Variants in BMPER observed in about 807,000 individuals in gnomAD.
BMPER encodes the protein BMP binding endothelial regulator, also known as BMP-binding endothelial regulator protein.
BMPER carries 45 observed loss-of-function variants against 87.3 expected under a neutral mutation model. The ratio of observed to expected loss-of-function variants is 0.52; its 90% CI spans 0.41 to 0.66. The LOEUF is 0.66. Ranked by LOEUF, BMPER falls within the 30% of genes least tolerant of loss-of-function variation. BMPER has a pLI of 0.00. For missense variants in BMPER, 784 were observed against 867.5 expected (o/e 0.90, Z 1.21); for synonymous variants, 326 against 316.2 (o/e 1.03, Z -0.33).
At chr7:34,048,218 T>G (rs1347218618) in intron 7 of BMPER, among the ~76,000 whole-genome samples, 2 of 152,252 alleles carry the variant, frequency 1.3e-5, no homozygotes, top group East Asian at 3.9e-4. Flanking sequence ...TATTTTTTTA[T>G]GACCAAGTTG....
At chr7:34,045,116 T>A (rs1787927510) in intron 6 of BMPER, among the ~76,000 whole-genome samples, 1 of 152,174 alleles carries the variant, frequency 6.6e-6, no homozygotes, top group Non-Finnish European at 1.5e-5. Context: ...CTGCGGGTAC[T>A]AGTTTGGTTT....
intron 13 of BMPER, among the ~76,000 whole-genome samples, chr7:34,098,059 G>A (rs939522562): frequency 6.6e-6 from 1 of 152,128 alleles, no homozygotes; most frequent in African/African-American, 2.4e-5. Context: ...GTCATGCCCA[G>A]AGAAAGTGCT....
intron 6 of BMPER, among the ~76,000 whole-genome samples, chr7:34,002,759 G>A (rs151214642): frequency 2.0e-4 from 31 of 151,704 alleles, no homozygotes; most frequent in African/African-American, 7.0e-4. Flanking sequence ...ATTGTAAAAT[G>A]TCTTTCTTTG....
chr7:34,012,051 G>A (rs1340899003), intron 6 of BMPER, among the ~76,000 whole-genome samples: 1 of 151,878 alleles, frequency 6.6e-6, no homozygotes, highest in Non-Finnish European at 1.5e-5. Context: ...GATAAAATTG[G>A]TAAGGGGCAT....
intron 3 of BMPER, among the ~76,000 whole-genome samples, chr7:33,965,515 T>C (rs1455929326): frequency 6.6e-6 from 1 of 152,196 alleles, no homozygotes; most frequent in Non-Finnish European, 1.5e-5. Flanking sequence ...AAATCAGTCA[T>C]TGAAACAGAG....
At chr7:34,095,383 A>G (rs1034888803) in intron 13 of BMPER, among the ~76,000 whole-genome samples, 4 of 152,226 alleles carry the variant, frequency 2.6e-5, no homozygotes, top group African/African-American at 9.7e-5. Flanking sequence ...GTGATAATTC[A>G]AAGTTAATGT....
chr7:34,135,565 CT>C (rs1010447261), intron 13 of BMPER, among the ~76,000 whole-genome samples: 1 of 152,084 alleles, frequency 6.6e-6, no homozygotes, highest in Non-Finnish European at 1.5e-5. Context: ...CTGTCAGGGA[CT>C]TTTTTTGCTT....
chr7:34,000,255 C>A (rs1786543699), intron 6 of BMPER, among the ~76,000 whole-genome samples: 1 of 151,984 alleles, frequency 6.6e-6, no homozygotes, highest in Non-Finnish European at 1.5e-5. Flanking sequence ...TGTGGGAGTG[C>A]AACCATTCAT....
rs4618601 is a variant in BMPER, at chr7:34,018,842, T to G, written c.577-27464T>G. 3.1e-3 allele frequency among the ~76,000 whole-genome samples: 464 copies of G among 151,430 alleles called. 3 individuals carry two copies. Among genetic ancestry groups the G allele is most frequent in the African/African-American group, 0.011 (439 of 41,302 alleles). ...AAACAAAATGGAAAAAAAGAAAAAA[T>G]AAAAGAAAAAAAGTGTGGTTTATGT... On this transcript the variant is annotated intron_variant, in intron 6 of 14. Coordinates refer to ENST00000649409, the MANE Select transcript of BMPER (RefSeq NM_001365308.1).
At chr7:34,020,859 A>AACACACACACAC (rs61345180) in intron 6 of BMPER, among the ~76,000 whole-genome samples, 22 of 146,844 alleles carry the variant, frequency 1.5e-4, no homozygotes, top group South Asian at 1.3e-3. Flanking sequence ...TGAATTTCTT[A>AACACACACACAC]ACACACACAC....
At chr7:34,089,747 G>C (rs1789327704) in intron 13 of BMPER, among the ~76,000 whole-genome samples, 1 of 152,132 alleles carries the variant, frequency 6.6e-6, no homozygotes, top group Admixed American at 6.5e-5. Context: ...GCCTCCCAAA[G>C]TGCTGGGATT....
chr7:34,002,425 A>G (rs576742193), intron 6 of BMPER, among the ~76,000 whole-genome samples: 1 of 151,794 alleles, frequency 6.6e-6, no homozygotes, highest in Non-Finnish European at 1.5e-5. Context: ...AGGCTAAGCT[A>G]TGAAGTTTGG....
At chr7:34,144,547 A>G (rs1400407630) in intron 14 of BMPER, among the ~76,000 whole-genome samples, 1 of 151,680 alleles carries the variant, frequency 6.6e-6, no homozygotes, top group East Asian at 1.9e-4. Context: ...GGCTTGAATT[A>G]AGATGGTGGC....
At chr7:34,100,185 A>G (rs1325246126) in intron 13 of BMPER, among the ~76,000 whole-genome samples, 2 of 152,234 alleles carry the variant, frequency 1.3e-5, no homozygotes, top group Non-Finnish European at 2.9e-5. Context: ...TTTATAGTCC[A>G]GTTAATGAAG....
intron 6 of BMPER, among the ~76,000 whole-genome samples, chr7:34,023,375 A>G (rs1483141622): frequency 6.6e-6 from 1 of 152,072 alleles, no homozygotes; most frequent in African/African-American, 2.4e-5. Context: ...AAATAAATCT[A>G]GTCTCATAAG....
chr7:34,042,217 A>C (rs1221659856), intron 6 of BMPER, among the ~76,000 whole-genome samples: 1 of 152,222 alleles, frequency 6.6e-6, no homozygotes, highest in Non-Finnish European at 1.5e-5. Context: ...CTTTTTAAAA[A>C]ATAGCTAATT....
intron 13 of BMPER, among the ~76,000 whole-genome samples, chr7:34,092,143 C>T (rs1486330277): frequency 6.6e-6 from 1 of 152,278 alleles, no homozygotes; most frequent in Admixed American, 6.5e-5. Context: ...TCAAAGTGTG[C>T]ACACTTCTCT....
intron 12 of BMPER, among the ~76,000 whole-genome samples, chr7:34,083,066 A>G (rs1789096626): frequency 6.6e-6 from 1 of 152,174 alleles, no homozygotes; most frequent in Non-Finnish European, 1.5e-5. Flanking sequence ...CAAAATGGTT[A>G]TTTCGGTGTC....
intron 11 of BMPER, among the ~76,000 whole-genome samples, chr7:34,074,001 C>T (rs907698035): frequency 6.6e-6 from 1 of 152,192 alleles, no homozygotes; most frequent in African/African-American, 2.4e-5. Context: ...GATGGTAGCA[C>T]TGGCTGTGGG....
Sources: allele counts gnomAD v4.1 joint callset (sites outside exome capture counted in the v4.1 genomes callset), GRCh38; gene constraint gnomAD v4.1.1; transcripts MANE v1.5; gene names NCBI Gene and HGNC (gene_info 2026-07-23, HGNC 2026-07-21).